The following GYG1 variants were observed in gnomAD, a reference collection of about 807,000 sequenced individuals.
GYG1 encodes glycogenin 1.
GYG1 carries 44 observed loss-of-function variants against 41.9 expected under a neutral mutation model. That is an observed-to-expected ratio of 1.05 (90% confidence interval 0.83 to 1.35). The LOEUF is 1.35. Ranked by LOEUF, GYG1 falls within the 40% of genes most tolerant of loss-of-function variation. The probability of loss-of-function intolerance (pLI) is 0.00; values close to 1 mark genes in which losing one functional copy is unlikely to be tolerated. For synonymous variants in GYG1, 141 were observed against 158.1 expected, an observed-to-expected ratio of 0.89 and a Z score of 0.81; for missense variants, 429 against 418.9, an observed-to-expected ratio of 1.02 and a Z score of -0.21.
At chr3:148,997,794 A>G (rs77775969) in intron 4 of GYG1, among the ~76,000 whole-genome samples, 6,819 of 152,336 alleles carry the variant, frequency 0.045, 418 homozygotes, top group African/African-American at 0.14. Context: ...GATATGTGAC[A>G]TTGTAGCAGG....
intron 4 of GYG1, among the ~76,000 whole-genome samples, chr3:148,998,374 C>G (rs1031544732): frequency 6.6e-6 from 1 of 152,162 alleles, no homozygotes; most frequent in Non-Finnish European, 1.5e-5. Flanking sequence ...GTTGTTACAA[C>G]TGAAGGGGGA....
At chr3:149,015,993 T>C (rs1344503548) in intron 5 of GYG1, among the ~76,000 whole-genome samples, 2 of 151,994 alleles carry the variant, frequency 1.3e-5, no homozygotes, top group Admixed American at 1.3e-4. Flanking sequence ...CCGGGCGCAG[T>C]GGCTCACGCC....
chr3:148,991,701 G>GC lies in GYG1; in HGVS notation c.7+56dup, dbSNP rs1295932665. On this transcript the variant is annotated intron_variant, in intron 1 of 7. Coordinates refer to ENST00000345003, the MANE Select transcript of GYG1 (RefSeq NM_004130.4). The stretch of plus-strand genomic sequence containing the variant: ...CCCCGGGACCCCGGCTTCCTGCCCA[G>GC]CCGCCGCCTCCCTTCTCCTCCGCCC... 8.8e-6 allele frequency: 12 copies of GC among 1,366,374 alleles called. No homozygotes were observed. The Admixed American group carries it at 2.2e-4, about 25-fold the overall frequency. 84.6% of individuals were successfully genotyped at this position (1,366,374 alleles called of 1,614,324 possible).
intron 4 of GYG1, among the ~76,000 whole-genome samples, chr3:149,004,801 T>C (rs1576543042): frequency 6.6e-6 from 1 of 152,216 alleles, no homozygotes; most frequent in Admixed American, 6.5e-5. Flanking sequence ...GCCTTTTCTC[T>C]TCCTTGCTTG....
chr3:149,020,095 C>A (rs1714284849), intron 5 of GYG1, among the ~76,000 whole-genome samples: 3 of 151,816 alleles, frequency 2.0e-5, no homozygotes, highest in African/African-American at 7.3e-5. Context: ...ACCTGCTGAT[C>A]TTAAGCACCA....
At chr3:149,020,436 A>ACTGC (rs1576552874) in intron 5 of GYG1, among the ~76,000 whole-genome samples, 2 of 152,376 alleles carry the variant, frequency 1.3e-5, no homozygotes, top group East Asian at 3.9e-4. Context: ...CTGCAGCCAG[A>ACTGC]CTGCCTGGAT....
intron 4 of GYG1, among the ~76,000 whole-genome samples, chr3:149,007,053 A>G (rs1379462362): frequency 6.6e-6 from 1 of 152,256 alleles, no homozygotes. Flanking sequence ...TGGGAATTCC[A>G]AGATTAAGGT....
intron 1 of GYG1, chr3:148,992,916 C>T (rs150943105): frequency 1.0e-3 from 153 of 151,438 alleles, no homozygotes; most frequent in African/African-American, 3.6e-3. Context: ...CGCTGGCCCA[C>T]TAGGCAACCC....
chr3:149,020,605 T>C (rs1341743380), intron 5 of GYG1, among the ~76,000 whole-genome samples: 1 of 152,258 alleles, frequency 6.6e-6, no homozygotes, highest in East Asian at 1.9e-4. Context: ...TATATTCTTA[T>C]TATGAGCTCT....
At position 149,027,041 on chromosome 3, in the gene GYG1, A is replaced by G. The variant is rs777963746; in HGVS notation, c.*108A>G. The G allele has an allele frequency of 3.3e-6, 4 of 1,197,346 alleles. No homozygotes were observed. Among genetic ancestry groups the G allele is most frequent in the Non-Finnish European group, 4.9e-6 (4 of 811,454 alleles). 74.2% of individuals were successfully genotyped at this position (1,197,346 alleles called of 1,614,324 possible). A position where few individuals can be genotyped will look rare whatever the true frequency, so the allele number is the denominator to read the frequency against. On this transcript the variant is annotated 3_prime_UTR_variant, in exon 8 of 8. Coordinates refer to ENST00000345003, the MANE Select transcript of GYG1 (RefSeq NM_004130.4). ...TCTGTTACAGTTGCTAGAGGTTTTC[A>G]TTAAAACTTATCAGATGAGAGGCTT... is the stretch of plus-strand genomic sequence containing the variant.
Position 149,022,211 on chromosome 3 carries a change from C to T in GYG1, c.609-1842C>T, listed in dbSNP as rs574027965. Reference sequence around the variant, plus strand: ...CACGTTTGGTTTTTGTTTTTATATACATAGATTTCCTGCCAGCTAGAACAG... The same window carrying T: ...CACGTTTGGTTTTTGTTTTTATATATATAGATTTCCTGCCAGCTAGAACAG... On this transcript the variant is annotated intron_variant, in intron 5 of 7. Coordinates refer to ENST00000345003, the MANE Select transcript of GYG1 (RefSeq NM_004130.4). 6.6e-5 allele frequency among the ~76,000 whole-genome samples: 10 copies of T among 152,280 alleles called. No individual in the cohort carries two copies. In the South Asian group the frequency reaches 8.3e-4, roughly 13 times the overall value.
intron 4 of GYG1, among the ~76,000 whole-genome samples, chr3:149,003,071 C>G (rs1304461367): frequency 6.6e-6 from 1 of 151,556 alleles, no homozygotes; most frequent in Non-Finnish European, 1.5e-5. Flanking sequence ...CATGTCAGTC[C>G]TTGTCTCTAG....
intron 4 of GYG1, among the ~76,000 whole-genome samples, chr3:149,000,246 A>G (rs1472355152): frequency 1.3e-5 from 2 of 152,216 alleles, no homozygotes; most frequent in African/African-American, 4.8e-5. Flanking sequence ...ACATAACCGA[A>G]TTCATGGCTG....
At chr3:149,017,120 C>G (rs1714093327) in intron 5 of GYG1, among the ~76,000 whole-genome samples, 1 of 152,192 alleles carries the variant, frequency 6.6e-6, no homozygotes, top group Admixed American at 6.5e-5. Flanking sequence ...CCACATGTTA[C>G]TGGCTGTTTC....
rs1198403031 is a variant in GYG1, at chr3:149,027,184, C to T, written c.*251C>T. On this transcript the variant is annotated 3_prime_UTR_variant, in exon 8 of 8. Transcript: ENST00000345003. Reference sequence around the variant, plus strand: ...TTTCAGAAATTCTCACTTTTGTTGACTGCCAACATACAAAGTAAGGGAAAC... The same window carrying T: ...TTTCAGAAATTCTCACTTTTGTTGATTGCCAACATACAAAGTAAGGGAAAC... 1.9e-6 allele frequency: 1 copy of T among 534,972 alleles called. No individual in the cohort carries two copies. Among genetic ancestry groups the T allele is most frequent in the Non-Finnish European group, 3.3e-6 (1 of 299,436 alleles). 33.1% of individuals were successfully genotyped at this position (534,972 alleles called of 1,614,324 possible).
chr3:149,026,420 C>T, intron 6 of GYG1, 32 bp from the exon 7 acceptor site: 2 of 1,393,908 alleles, frequency 1.4e-6, no homozygotes, highest in Non-Finnish European at 2.0e-6. Flanking sequence ...CCTTGCCCAT[C>T]CATCTTACAC....
At chr3:149,002,342 A>G (rs772639786) in intron 4 of GYG1, among the ~76,000 whole-genome samples, 1 of 152,234 alleles carries the variant, frequency 6.6e-6, no homozygotes, top group Non-Finnish European at 1.5e-5. Flanking sequence ...AGTCCAGACT[A>G]GGAGGACCTG....
At chr3:149,016,998 C>A (rs16861290) in intron 5 of GYG1, among the ~76,000 whole-genome samples, 2,750 of 152,280 alleles carry the variant, frequency 0.018, 86 homozygotes, top group African/African-American at 0.063. Flanking sequence ...CCGTCTTTCT[C>A]GGTATCTGAC....
At chr3:149,010,871 C>T (rs1050022328) in intron 5 of GYG1, among the ~76,000 whole-genome samples, 1 of 152,182 alleles carries the variant, frequency 6.6e-6, no homozygotes, top group Non-Finnish European at 1.5e-5. Context: ...TAGCGGAAAA[C>T]AAAGGGCCTT....
Sources: allele counts gnomAD v4.1 joint callset (sites outside exome capture counted in the v4.1 genomes callset), GRCh38; gene constraint gnomAD v4.1.1; transcripts MANE v1.5; gene names NCBI Gene and HGNC (gene_info 2026-07-23, HGNC 2026-07-21).